WNT2: variants seen among roughly 807,000 people sequenced by gnomAD.
WNT2 encodes the protein Wnt family member 2.
Under a neutral mutation model 36.9 loss-of-function variants are expected in WNT2, and 12 were observed. The observed-to-expected ratio is 0.33, with a 90% CI of 0.21 to 0.53. WNT2 has a LOEUF of 0.53. WNT2 is among the 20% of genes least tolerant of loss of function. The pLI, the probability that WNT2 is intolerant of heterozygous loss-of-function variation, is 0.95. For missense variants in WNT2, 379 were observed against 473.1 expected (o/e 0.80, Z 1.84); for synonymous variants, 163 against 174.6 (o/e 0.93, Z 0.52).
At chr7:117,295,292 A>G (rs1488725355) in intron 4 of WNT2, among the ~76,000 whole-genome samples, 1 of 152,190 alleles carries the variant, frequency 6.6e-6, no homozygotes, top group Admixed American at 6.5e-5. Context: ...TACTCACCTT[A>G]TAGACTTTCT....
chr7:117,321,764 C>G (rs1191483513), intron 1 of WNT2, among the ~76,000 whole-genome samples: 1 of 152,130 alleles, frequency 6.6e-6, no homozygotes, highest in Non-Finnish European at 1.5e-5. Flanking sequence ...CCCATGGAAA[C>G]AGAAATAGTC....
chr7:117,297,422 G>A (rs1007435681), intron 4 of WNT2, among the ~76,000 whole-genome samples, 190 bp downstream of exon 4: 2 of 152,038 alleles, frequency 1.3e-5, no homozygotes, highest in Non-Finnish European at 2.9e-5. Context: ...TGCCCATTTC[G>A]GCCTCCCAAA....
chr7:117,286,716 T>C (rs1794586404), intron 4 of WNT2, among the ~76,000 whole-genome samples: 1 of 152,202 alleles, frequency 6.6e-6, no homozygotes, highest in African/African-American at 2.4e-5. Context: ...ATTCATCCAC[T>C]GGTCAGGCTC....
At chr7:117,291,158 T>C (rs1794682070) in intron 4 of WNT2, among the ~76,000 whole-genome samples, 1 of 152,170 alleles carries the variant, frequency 6.6e-6, no homozygotes, top group Non-Finnish European at 1.5e-5. Flanking sequence ...AAATATGATT[T>C]ATGTGGGGGA....
At chr7:117,295,340 A>G (rs939133592) in intron 4 of WNT2, among the ~76,000 whole-genome samples, 1 of 152,216 alleles carries the variant, frequency 6.6e-6, no homozygotes, top group East Asian at 1.9e-4. Flanking sequence ...CAGCTCTGGC[A>G]TGTGATGGGT....
intron 3 of WNT2, among the ~76,000 whole-genome samples, chr7:117,300,393 G>A (rs1329223194): frequency 6.6e-6 from 1 of 152,116 alleles, no homozygotes; most frequent in Non-Finnish European, 1.5e-5. Context: ...CACCATGTTG[G>A]CCAGGATGGT....
chr7:117,301,313 A>G (rs1436967695), intron 3 of WNT2, among the ~76,000 whole-genome samples: 1 of 152,082 alleles, frequency 6.6e-6, no homozygotes, highest in East Asian at 1.9e-4. Context: ...CAAACCCTTA[A>G]CCTTGAAGTG....
chr7:117,319,381 G>A (rs945481371), intron 2 of WNT2, among the ~76,000 whole-genome samples: 1 of 152,184 alleles, frequency 6.6e-6, no homozygotes, highest in Non-Finnish European at 1.5e-5. Context: ...AAGAATGAGA[G>A]TACTACGCCC....
At chr7:117,320,363 C>G in intron 2 of WNT2, 1 of 589,826 alleles carries the variant, frequency 1.7e-6, no homozygotes, top group South Asian at 2.0e-5. Flanking sequence ...CTACTTCTTC[C>G]TTTTGATTCA....
intron 3 of WNT2, among the ~76,000 whole-genome samples, chr7:117,309,153 C>T (rs1221165308): frequency 6.6e-6 from 1 of 151,704 alleles, no homozygotes; most frequent in East Asian, 1.9e-4. Flanking sequence ...CCGCACACTC[C>T]AGCCTGGGTG....
chr7:117,296,348 T>G (rs1794789996), intron 4 of WNT2, among the ~76,000 whole-genome samples: 1 of 152,190 alleles, frequency 6.6e-6, no homozygotes, highest in Admixed American at 6.5e-5. Context: ...CATCAAACCA[T>G]GAAGGCAATT....
rs34431449 is a variant in WNT2 at position 117,322,879 on chromosome 7, T to TCC, written c.83+26_83+27dup. 6.2e-7 allele frequency: 1 copy of TCC among 1,610,582 alleles called. No individual in the cohort carries two copies. On this transcript the variant is annotated intron_variant, in intron 1 of 4. Coordinates refer to ENST00000265441, the MANE Select transcript of WNT2 (RefSeq NM_003391.3). This position sits in a 1 kb window ranked among gnomAD's most constrained non-coding sequence, Gnocchi z 5.4. ...GCGGTCCCCATTCCGATCTCCAAAA[T>TCC]CCCCCGCGCCCGTGCGCGTGGACTT...
intron 3 of WNT2, among the ~76,000 whole-genome samples, chr7:117,309,995 G>T (rs188875951): frequency 2.0e-5 from 3 of 151,908 alleles, no homozygotes; most frequent in Non-Finnish European, 4.4e-5. Context: ...GCCCAAGCTG[G>T]TCTCAAACTC....
chr7:117,313,587 C>A (rs1795162172), intron 3 of WNT2, among the ~76,000 whole-genome samples: 1 of 152,186 alleles, frequency 6.6e-6, no homozygotes, highest in Admixed American at 6.5e-5. Flanking sequence ...AGTCAATGTT[C>A]TTTTGGATAC....
chr7:117,320,606 C>T lies in WNT2; in HGVS notation c.271G>A (p.Asp91Asn). 6.2e-7 allele frequency: 1 copy of T among 1,613,982 alleles called. No individual in the cohort carries two copies. The highest frequency in any genetic ancestry group is 8.5e-7 in the Non-Finnish European group (1 of 1,179,960). The change falls in exon 2 of 5, where the codon GAC becomes AAC. Residue 91 changes from aspartate to asparagine, a missense_variant. Coordinates refer to ENST00000265441, the MANE Select transcript of WNT2 (RefSeq NM_003391.3). The stretch of plus-strand genomic sequence containing the variant: ...CTGCCAAAAAGGCTGTGATCCCTGT[C>T]CAGGGTGTTGCAATTCCAGCGGTGC... ...RQHRWNCNTL[D>N]RDHSLFGRVL... is the part of the protein sequence containing the mutation.
intron 2 of WNT2, among the ~76,000 whole-genome samples, chr7:117,320,290 G>T (rs1394026893): frequency 6.6e-6 from 1 of 152,168 alleles, no homozygotes; most frequent in African/African-American, 2.4e-5. Flanking sequence ...GTCTGAACCT[G>T]GAGGATGTGC....
chr7:117,320,595 G>A lies in WNT2; in HGVS notation c.282C>T (p.His94=). The A allele has an allele frequency of 6.2e-7, 1 of 1,613,852 alleles. No individual in the cohort carries two copies. Among genetic ancestry groups the A allele is most frequent in the Non-Finnish European group, 8.5e-7 (1 of 1,179,924 alleles). ...RWNCNTLDRD[H]SLFGRVLLRS... is the part of the protein sequence containing the mutation. ...GGAGTAGGACCCTGCCAAAAAGGCT[G>A]TGATCCCTGTCCAGGGTGTTGCAAT... The change falls in exon 2 of 5, where the codon CAC becomes CAT. Residue 94 remains histidine (H), a synonymous_variant. Transcript: ENST00000265441.
intron 4 of WNT2, among the ~76,000 whole-genome samples, chr7:117,281,516 AG>A (rs1195767621): frequency 6.6e-6 from 1 of 152,162 alleles, no homozygotes; most frequent in Non-Finnish European, 1.5e-5. Flanking sequence ...CTGGGATTAC[AG>A]GCGTGACTCA....
rs754927883 is a variant in WNT2 at position 117,278,401 on chromosome 7, G to A, written c.854-17C>T. 6 of 1,606,780 alleles carry A rather than the reference G, an allele frequency of 3.7e-6. No homozygotes were observed. The South Asian group carries it at 5.5e-5, about 15-fold the overall frequency. On this transcript the variant is annotated splice_polypyrimidine_tract_variant and intron_variant, in intron 4 of 4. Coordinates refer to ENST00000265441, the MANE Select transcript of WNT2 (RefSeq NM_003391.3). ...CCAGGGAGCCTGGAAGACAAGCCAG[G>A]GAGTGTTACTGAAAAGGTCTGGGTG...
Sources: gnomAD v4.1 joint callset for allele counts (sites outside exome capture counted in the v4.1 genomes callset) on GRCh38, gnomAD v4.1.1 for gene constraint, Gnocchi (gnomAD v3.1) non-coding constraint, MANE v1.5 for transcripts, NCBI Gene and HGNC (gene_info 2026-07-23, HGNC 2026-07-21) for gene names.